Variants in BCR observed in about 807,000 individuals in gnomAD.
The protein encoded by BCR is breakpoint cluster region protein.
BCR carries 58 observed loss-of-function variants against 138.6 expected under a neutral mutation model. That is an observed-to-expected ratio of 0.42 (90% CI 0.34 to 0.52). The LOEUF is 0.52. Among genes scored for constraint, BCR ranks in the 20% least tolerant of loss-of-function variants. BCR has a pLI of 0.06. For missense variants in BCR, 1,599 were observed against 1,727.2 expected (o/e 0.93, Z 1.32); for synonymous variants, 786 against 730.1 (o/e 1.08, Z -1.23).
rs189793407 is a variant in BCR at position 23,189,661 on chromosome 22, C to T, written c.1279+7422C>T. On this transcript the variant is annotated intron_variant, in intron 1 of 22. Coordinates refer to ENST00000305877, the MANE Select transcript of BCR (RefSeq NM_004327.4). ...GATTACAGGCGCCTGCCATCACACC[C>T]GGCTAATTTTTTGTATTTTTAGTAG... Among the ~76,000 whole-genome samples, 81 of 152,140 alleles carry T rather than the reference C, an allele frequency of 5.3e-4. No individual in the cohort carries two copies. In the East Asian group the frequency reaches 9.1e-3, roughly 17 times the overall value.
chr22:23,250,656 G>A (rs769202661), intron 1 of BCR, among the ~76,000 whole-genome samples: 5 of 152,276 alleles, frequency 3.3e-5, no homozygotes, highest in Non-Finnish European at 7.4e-5. Context: ...AGGCCAAGGG[G>A]ATGGCACGGC....
chr22:23,259,778 C>G (rs2073336705), intron 2 of BCR, among the ~76,000 whole-genome samples: 1 of 152,156 alleles, frequency 6.6e-6, no homozygotes, highest in African/African-American at 2.4e-5. Flanking sequence ...GCCTCGGCCT[C>G]CCAAACTGCT....
Position 23,258,958 on chromosome 22 carries a change from C to A in BCR, c.1462-1992C>A, listed in dbSNP as rs372370912. ...ACCACCCCCACCCCCCGCACCCACACACTTTCCTCTGACTGCAGGCAGGGC... is the reference window on the plus strand; with the variant it reads ...ACCACCCCCACCCCCCGCACCCACAAACTTTCCTCTGACTGCAGGCAGGGC... On this transcript the variant is annotated intron_variant, in intron 2 of 22. Coordinates refer to ENST00000305877, the MANE Select transcript of BCR (RefSeq NM_004327.4). Among the ~76,000 whole-genome samples the A allele has an allele frequency of 1.3e-3, 197 of 152,342 alleles. 1 individual carries two copies. The highest frequency in any genetic ancestry group is 4.4e-3 in the African/African-American group (181 of 41,584).
rs753713874 is a variant in BCR at position 23,315,475 on chromosome 22, G to A, written c.3769G>A (p.Ala1257Thr). ...CTTCCTGCAGCTGGAGGCCATCCCT[G>A]CCCCGGACAGCAAGAGACAGAGCAT... ...LYFLQLEAIP[A>T]PDSKRQSILF... Residue 1257 changes from alanine (A) to threonine (T), a missense_variant, in exon 23 of 23, where the codon GCC (alanine) becomes ACC (threonine). By Grantham distance (58) the Ala-to-Thr change is moderately conservative. This residue lies in a region of BCR where 177 missense variants were observed against 226.4 expected (regional missense o/e 0.78). Transcript: ENST00000305877. 1.2e-6 allele frequency: 2 copies of A among 1,613,076 alleles called. No individual in the cohort carries two copies. The highest frequency in any genetic ancestry group is 2.2e-5 in the East Asian group (1 of 44,878).
chr22:23,263,554 C>T, intron 4 of BCR: 1 of 1,574,080 alleles, frequency 6.4e-7, no homozygotes, highest in Non-Finnish European at 8.7e-7. Flanking sequence ...CAGTTCCGTC[C>T]AGATGGTGCC....
At chr22:23,251,367 G>A (rs2073226695) in intron 1 of BCR, 1 of 151,076 alleles carries the variant, frequency 6.6e-6, no homozygotes, top group African/African-American at 2.4e-5. Context: ...GGATCCCGGT[G>A]AAATCGTTTT....
chr22:23,180,903 C>T lies in BCR; in HGVS notation c.-58C>T, dbSNP rs1057292290. 3 of 1,014,118 alleles carry T rather than the reference C, an allele frequency of 3.0e-6. No homozygotes were observed. In the African/African-American group the frequency reaches 5.3e-5, roughly 18 times the overall value. The allele number at this position is 1,014,118 out of a possible 1,614,324, so 62.8% of individuals were successfully genotyped here. On this transcript the variant is annotated 5_prime_UTR_variant, in exon 1 of 23. Coordinates refer to ENST00000305877, the MANE Select transcript of BCR (RefSeq NM_004327.4). ...GGGGCCGGGCTGGCGAGGCGCCGCG[C>T]CGCCGCTGAGACGGGCCCCGCGCGC...
At chr22:23,291,999 A>T (rs972627520) in intron 14 of BCR, among the ~76,000 whole-genome samples, 1 of 151,458 alleles carries the variant, frequency 6.6e-6, no homozygotes, top group Non-Finnish European at 1.5e-5. Context: ...AGCCCAGCCC[A>T]CTCTTCTCCA....
chr22:23,284,185 G>A, intron 9 of BCR, 87 bp downstream of exon 9: 1 of 1,547,370 alleles, frequency 6.5e-7, no homozygotes, highest in Non-Finnish European at 8.7e-7. Context: ...GGAGGTCAGT[G>A]GTGATGTAGC....
In BCR at chr22:23,287,221, A is replaced by G. The variant is rs911067707; in HGVS notation, c.2469A>G (p.Ser823=). 1.9e-6 allele frequency: 3 copies of G among 1,563,986 alleles called. No homozygotes were observed. The highest frequency in any genetic ancestry group is 8.7e-7 in the Non-Finnish European group (1 of 1,153,510). The change falls in exon 11 of 23, where the codon TCA becomes TCG. Residue 823 remains serine, a synonymous_variant. Transcript: ENST00000305877. ...AGAAGAAGCTGTCGGAGCAGGAGTCACTGCTGCTGCTTATGTCTCCCAGCA... is the reference window on the plus strand; with the variant it reads ...AGAAGAAGCTGTCGGAGCAGGAGTCGCTGCTGCTGCTTATGTCTCCCAGCA... The part of the protein sequence containing the change: ...RLKKKLSEQE[S]LLLLMSPSMA...
At chr22:23,196,545 C>T (rs2072485029) in intron 1 of BCR, among the ~76,000 whole-genome samples, 1 of 152,146 alleles carries the variant, frequency 6.6e-6, no homozygotes, top group African/African-American at 2.4e-5. Context: ...AAATTGGTTC[C>T]AGGATTCCCT....
chr22:23,287,951 C>T (rs1007297391), intron 11 of BCR, 146 bp from the exon 12 acceptor site: 31 of 735,858 alleles, frequency 4.2e-5, no homozygotes, highest in Middle Eastern at 3.8e-4. Context: ...GTGCCGGAAG[C>T]GACATGCCAG....
intron 2 of BCR, among the ~76,000 whole-genome samples, chr22:23,260,673 G>C (rs932167565): frequency 1.3e-5 from 2 of 152,232 alleles, no homozygotes; most frequent in Admixed American, 6.5e-5. Flanking sequence ...GCCTGGCCCA[G>C]CCTGCTCCGC....
At chr22:23,204,757 G>C (rs1372632012) in intron 1 of BCR, among the ~76,000 whole-genome samples, 2 of 152,230 alleles carry the variant, frequency 1.3e-5, no homozygotes, top group African/African-American at 4.8e-5. Flanking sequence ...GGGGCAACGT[G>C]CCAAAGTGCA....
intron 6 of BCR, 60 bp from the exon 7 acceptor site, chr22:23,273,021 T>A: frequency 6.3e-7 from 1 of 1,579,634 alleles, no homozygotes; most frequent in South Asian, 1.1e-5. Flanking sequence ...CCGAGGGTGG[T>A]CAGGCAGCTG....
chr22:23,181,048 G>T lies in BCR; in HGVS notation c.88G>T (p.Asp30Tyr), dbSNP rs557214840. The T allele has an allele frequency of 1.3e-6, 2 of 1,522,044 alleles. No homozygotes were observed. The highest frequency in any genetic ancestry group is 2.6e-5 in the East Asian group (1 of 38,764). The allele number at this position is 1,522,044 out of a possible 1,614,324, so 94.3% of individuals were successfully genotyped here. The change falls in exon 1 of 23, where the codon GAC becomes TAC. Residue 30 changes from aspartate (D) to tyrosine (Y), a missense_variant. By Grantham distance (160) the Asp-to-Tyr change is radical. Transcript: ENST00000305877. ...GCGCATGGAGCTGCGCTCAGTGGGCGACATCGAGCAGGAGCTGGAGCGCTG... is the reference window on the plus strand; with the variant it reads ...GCGCATGGAGCTGCGCTCAGTGGGCTACATCGAGCAGGAGCTGGAGCGCTG... Reference protein sequence around the residue: ...PPRMELRSVGDIEQELERCKA... With the variant: ...PPRMELRSVGYIEQELERCKA...
chr22:23,190,761 T>G (rs1310135644), intron 1 of BCR, among the ~76,000 whole-genome samples: 1 of 152,058 alleles, frequency 6.6e-6, no homozygotes, highest in African/African-American at 2.4e-5. Context: ...CATGTGGTTT[T>G]AGGCAGCCTA....
At chr22:23,198,475 G>T in intron 1 of BCR, 1 of 337,556 alleles carries the variant, frequency 3.0e-6, no homozygotes, top group Non-Finnish European at 5.8e-6. Flanking sequence ...GGGTGATATG[G>T]CTTTGCAGGG....
At chr22:23,186,964 G>A (rs976918255) in intron 1 of BCR, among the ~76,000 whole-genome samples, 1 of 152,224 alleles carries the variant, frequency 6.6e-6, no homozygotes, top group African/African-American at 2.4e-5. Context: ...TGGAACTCCT[G>A]ACCTCAAGTG....
Sources: allele counts gnomAD v4.1 joint callset (sites outside exome capture counted in the v4.1 genomes callset), GRCh38; gene constraint gnomAD v4.1.1; regional missense constraint gnomAD v4.1.1; transcripts MANE v1.5; gene names NCBI Gene and HGNC (gene_info 2026-07-23, HGNC 2026-07-21).